CENPP: variants seen among roughly 807,000 people sequenced by gnomAD.
CENPP encodes the protein centromere protein P.
A neutral mutation model predicts 35.6 loss-of-function variants in CENPP; 24 were observed. The observed-to-expected ratio is 0.67, with a 90% CI of 0.49 to 0.95. The LOEUF is 0.95. CENPP is among the 40% of genes least tolerant of loss of function. The pLI, the probability that CENPP is intolerant of heterozygous loss-of-function variation, is 0.00. For synonymous variants in CENPP, 120 were observed against 125.5 expected, an observed-to-expected ratio of 0.96 and a Z score of 0.29; for missense variants, 332 against 345.3, an observed-to-expected ratio of 0.96 and a Z score of 0.31.
chr9:92,539,343 G>GC (rs1168702226), intron 5 of CENPP, among the ~76,000 whole-genome samples: 2 of 73,868 alleles, frequency 2.7e-5, no homozygotes, highest in African/African-American at 1.1e-4. Flanking sequence ...GCCTTCCCCC[G>GC]CTCCCCCACC....
At chr9:92,380,292 C>T (rs1053510930) in intron 5 of CENPP, among the ~76,000 whole-genome samples, 2 of 152,144 alleles carry the variant, frequency 1.3e-5, no homozygotes, top group Non-Finnish European at 2.9e-5. Flanking sequence ...CGAAGTAATG[C>T]TTCCTAAAGC....
chr9:92,505,532 C>T, intron 5 of CENPP: 1 of 1,588,348 alleles, frequency 6.3e-7, no homozygotes, highest in Non-Finnish European at 8.5e-7. Flanking sequence ...TATATTGTTA[C>T]CTCAATAGAA....
At chr9:92,466,020 A>T (rs1845295593) in intron 5 of CENPP, among the ~76,000 whole-genome samples, 1 of 152,022 alleles carries the variant, frequency 6.6e-6, no homozygotes, top group South Asian at 2.1e-4. Flanking sequence ...TTTAGTAGAG[A>T]CAGGGTTTTA....
chr9:92,532,923 G>A (rs946015943), intron 5 of CENPP, among the ~76,000 whole-genome samples: 11 of 152,042 alleles, frequency 7.2e-5, no homozygotes, highest in African/African-American at 1.7e-4. Flanking sequence ...GAGAATTTGC[G>A]TCTGTTTCAG....
chr9:92,506,592 C>T (rs1008684736), intron 5 of CENPP, among the ~76,000 whole-genome samples: 3 of 152,180 alleles, frequency 2.0e-5, no homozygotes, highest in Non-Finnish European at 2.9e-5. Flanking sequence ...ATGTGGGACT[C>T]CGTTCTGCTC....
intron 5 of CENPP, among the ~76,000 whole-genome samples, chr9:92,550,523 A>T (rs752808073): frequency 3.3e-5 from 5 of 152,078 alleles, no homozygotes; most frequent in Admixed American, 6.5e-5. Context: ...ATGACAATTG[A>T]TATAACAAGT....
intron 5 of CENPP, among the ~76,000 whole-genome samples, chr9:92,451,721 T>C (rs1465150303): frequency 6.7e-6 from 1 of 149,856 alleles, no homozygotes; most frequent in African/African-American, 2.4e-5. Context: ...TGATTCTTCC[T>C]ACCCATGAGC....
intron 5 of CENPP, among the ~76,000 whole-genome samples, chr9:92,592,448 CACATT>C (rs1212878194): frequency 6.6e-6 from 1 of 152,180 alleles, no homozygotes; most frequent in Non-Finnish European, 1.5e-5. Flanking sequence ...GAAGTTCATC[CACATT>C]ACAATTTTTG....
chr9:92,598,035 G>A (rs985761907), intron 5 of CENPP, among the ~76,000 whole-genome samples: 2 of 152,150 alleles, frequency 1.3e-5, no homozygotes, highest in African/African-American at 2.4e-5. Flanking sequence ...TCCCATATCC[G>A]TTTGTTCCTT....
At position 92,593,673 on chromosome 9, in the gene CENPP, G is replaced by A. The variant is rs185287333; in HGVS notation, c.565-17641G>A. The stretch of plus-strand genomic sequence containing the variant: ...TCCTGCCTGGGCCAACAATGAAAGC[G>A]AACAGTGATTAGAGTTTGGCAGAGC... On this transcript the variant is annotated intron_variant, in intron 5 of 7. Coordinates refer to ENST00000375587, the MANE Select transcript of CENPP (RefSeq NM_001012267.3). This position sits in a 1 kb window ranked among gnomAD's most constrained non-coding sequence, Gnocchi z 4.1. Among the ~76,000 whole-genome samples, 104 of 152,314 alleles carry A rather than the reference G, an allele frequency of 6.8e-4. No individual in the cohort carries two copies. The highest frequency in any genetic ancestry group is 8.3e-4 in the South Asian group (4 of 4,818).
At chr9:92,509,267 C>A (rs1012286083) in intron 5 of CENPP, among the ~76,000 whole-genome samples, 4 of 152,052 alleles carry the variant, frequency 2.6e-5, no homozygotes, top group Admixed American at 1.3e-4. Context: ...CAGCCCAAGC[C>A]CTCTCAGGCA....
chr9:92,498,164 G>A (rs755572271), intron 5 of CENPP, among the ~76,000 whole-genome samples: 14 of 152,100 alleles, frequency 9.2e-5, no homozygotes, highest in Non-Finnish European at 1.8e-4. Flanking sequence ...GTAATAATTT[G>A]TATAATAATT....
rs551938878 is a variant in CENPP, at chr9:92,617,952, T to C, written c.*4803T>C. On this transcript the variant is annotated 3_prime_UTR_variant, in exon 8 of 8. Coordinates refer to ENST00000375587, the MANE Select transcript of CENPP (RefSeq NM_001012267.3). ...TTAGGGGGTGTAAGAAGTTTAAATGTGGTCAATCTATCTGTGAGCTGCAAA... is the reference window on the plus strand; with the variant it reads ...TTAGGGGGTGTAAGAAGTTTAAATGCGGTCAATCTATCTGTGAGCTGCAAA... 2 of 309,930 alleles carry C rather than the reference T, an allele frequency of 6.5e-6. No homozygotes were observed. The allele number at this position is 309,930 out of a possible 1,614,324, so 19.2% of individuals were successfully genotyped here.
intron 5 of CENPP, chr9:92,536,032 G>A (rs1461158373): frequency 3.9e-6 from 2 of 507,156 alleles, no homozygotes; most frequent in Non-Finnish European, 7.8e-6. Context: ...AGAAAGGACA[G>A]AAGGGAATGT....
intron 5 of CENPP, among the ~76,000 whole-genome samples, chr9:92,542,955 C>G (rs1849349168): frequency 6.6e-6 from 1 of 152,126 alleles, no homozygotes; most frequent in Non-Finnish European, 1.5e-5. Context: ...TTCTCAGCAC[C>G]ATTTATTTAT....
chr9:92,371,883 T>G (rs1189136925), intron 4 of CENPP, among the ~76,000 whole-genome samples: 1 of 148,440 alleles, frequency 6.7e-6, no homozygotes, highest in South Asian at 2.1e-4. Flanking sequence ...TTTTTTTTTT[T>G]GAGACGGAGT....
chr9:92,586,944 A>T (rs1037540170), intron 5 of CENPP, among the ~76,000 whole-genome samples: 2 of 151,580 alleles, frequency 1.3e-5, no homozygotes, highest in African/African-American at 4.9e-5. Context: ...GGTGTTCAAC[A>T]ACAAGAAAAA....
At chr9:92,495,469 T>C (rs983139300) in intron 5 of CENPP, 1 of 984,860 alleles carries the variant, frequency 1.0e-6, no homozygotes, top group African/African-American at 1.7e-5. Flanking sequence ...TTTTCAAAAA[T>C]TTATACATTA....
At chr9:92,392,300 T>C (rs1842716468) in intron 5 of CENPP, among the ~76,000 whole-genome samples, 2 of 152,256 alleles carry the variant, frequency 1.3e-5, no homozygotes, top group South Asian at 4.1e-4. Flanking sequence ...TTACAACCCC[T>C]GGGAAGTAGG....
Sources: gnomAD v4.1 joint callset for allele counts (sites outside exome capture counted in the v4.1 genomes callset) on GRCh38, gnomAD v4.1.1 for gene constraint, Gnocchi (gnomAD v3.1) non-coding constraint, MANE v1.5 for transcripts, NCBI Gene and HGNC (gene_info 2026-07-23, HGNC 2026-07-21) for gene names.